Variants in FBXW4 observed in about 807,000 individuals in gnomAD.
The protein encoded by FBXW4 is F-box/WD repeat-containing protein 4.
A neutral mutation model predicts 61.8 loss-of-function variants in FBXW4; 40 were observed. That is an observed-to-expected ratio of 0.65 (90% CI 0.50 to 0.84). The LOEUF is 0.84. Ranked by LOEUF, FBXW4 falls within the 40% of genes least tolerant of loss-of-function variation. The pLI is 0.00. For missense variants in FBXW4, 672 were observed against 753.8 expected (o/e 0.89, Z 1.27); for synonymous variants, 311 against 313.8 (o/e 0.99, Z 0.10).
intron 6 of FBXW4, among the ~76,000 whole-genome samples, chr10:101,616,838 T>C (rs1029199227): frequency 6.6e-6 from 1 of 152,250 alleles, no homozygotes; most frequent in Non-Finnish European, 1.5e-5. Context: ...GTGATTGTCC[T>C]AGTCCAGGCC....
At chr10:101,689,502 C>A (rs574529382) in intron 1 of FBXW4, among the ~76,000 whole-genome samples, 1 of 152,148 alleles carries the variant, frequency 6.6e-6, no homozygotes, top group Non-Finnish European at 1.5e-5. Flanking sequence ...CCTTTCCAAA[C>A]GCCGAAGACA....
chr10:101,674,659 G>A (rs372705732), intron 2 of FBXW4, among the ~76,000 whole-genome samples: 1 of 152,314 alleles, frequency 6.6e-6, no homozygotes, highest in African/African-American at 2.4e-5. Context: ...GTGTGGCAAT[G>A]GAAAAACACA....
At chr10:101,681,080 T>G (rs1037859106) in intron 1 of FBXW4, among the ~76,000 whole-genome samples, 2 of 152,164 alleles carry the variant, frequency 1.3e-5, no homozygotes, top group Non-Finnish European at 2.9e-5. Flanking sequence ...CTACATAAAA[T>G]TATGTCTCCA....
At chr10:101,681,398 A>ATAAT (rs1554934345) in intron 1 of FBXW4, among the ~76,000 whole-genome samples, 8 of 136,066 alleles carry the variant, frequency 5.9e-5, no homozygotes, top group African/African-American at 1.9e-4. Flanking sequence ...CAAAAAAAAA[A>ATAAT]AATAATAATA....
chr10:101,675,438 CCAAAAGG>C (rs941044899), intron 2 of FBXW4, among the ~76,000 whole-genome samples: 7 of 152,140 alleles, frequency 4.6e-5, no homozygotes, highest in African/African-American at 1.7e-4. Context: ...GAAACTAGCC[CCAAAAGG>C]CAAATGTGGG....
At chr10:101,638,901 C>A (rs2064026838) in intron 5 of FBXW4, among the ~76,000 whole-genome samples, 1 of 152,172 alleles carries the variant, frequency 6.6e-6, no homozygotes, top group African/African-American at 2.4e-5. Context: ...TGCTTCATAA[C>A]CACTCTGTTT....
chr10:101,640,119 G>A (rs2064038456), intron 5 of FBXW4, among the ~76,000 whole-genome samples: 1 of 152,186 alleles, frequency 6.6e-6, no homozygotes, highest in Non-Finnish European at 1.5e-5. Context: ...ATACCTGGTA[G>A]GTCTTCTAGG....
At chr10:101,639,871 T>G (rs937434287) in intron 5 of FBXW4, among the ~76,000 whole-genome samples, 3 of 152,248 alleles carry the variant, frequency 2.0e-5, no homozygotes, top group Non-Finnish European at 4.4e-5. Flanking sequence ...GCCTTTGGCT[T>G]GGTTTTTCAC....
chr10:101,678,053 C>T (rs2064433892), intron 1 of FBXW4, among the ~76,000 whole-genome samples: 1 of 152,070 alleles, frequency 6.6e-6, no homozygotes, highest in African/African-American at 2.4e-5. Context: ...GTTCATGGTA[C>T]AATTCATTCA....
intron 5 of FBXW4, among the ~76,000 whole-genome samples, chr10:101,648,487 T>C (rs2064119450): frequency 6.6e-6 from 1 of 152,168 alleles, no homozygotes; most frequent in African/African-American, 2.4e-5. Context: ...GGACTGATTA[T>C]ACTTTGAACA....
intron 6 of FBXW4, among the ~76,000 whole-genome samples, chr10:101,615,228 T>C (rs966532203): frequency 6.6e-6 from 1 of 152,012 alleles, no homozygotes; most frequent in East Asian, 1.9e-4. Flanking sequence ...ACAGCTTGTG[T>C]GGGAACAGGG....
At chr10:101,634,751 T>C (rs2063986844) in intron 5 of FBXW4, among the ~76,000 whole-genome samples, 1 of 148,696 alleles carries the variant, frequency 6.7e-6, no homozygotes, top group Non-Finnish European at 1.5e-5. Flanking sequence ...ATTAAGGAGA[T>C]AAACATTTTT....
Position 101,694,989 on chromosome 10 carries a change from C to T in FBXW4, c.117G>A (p.Gly39=). The T allele has an allele frequency of 1.7e-6, 2 of 1,150,078 alleles. No homozygotes were observed. The highest frequency in any genetic ancestry group is 7.1e-4 in the Middle Eastern group (2 of 2,828). The allele number at this position is 1,150,078 out of a possible 1,614,324, so 71.2% of individuals were successfully genotyped here. ...GRVARGKRRK[G]KGKGKARAGQ... ...CCGCTCTCGCTTTTCCCTTCCCCTT[C>T]CCCTTCCTTCGCTTCCCCCTCGCCA... Residue 39 remains glycine (G), a synonymous_variant, in exon 1 of 9, where the codon GGG becomes GGA. Transcript: ENST00000331272. This position sits in a 1 kb window ranked among gnomAD's most constrained non-coding sequence, Gnocchi z 6.0.
chr10:101,684,929 C>T (rs2064519270), intron 1 of FBXW4, among the ~76,000 whole-genome samples: 1 of 152,186 alleles, frequency 6.6e-6, no homozygotes, highest in South Asian at 2.1e-4. Flanking sequence ...AGACCATGCA[C>T]AAAGAGGGCA....
At chr10:101,685,276 A>G (rs1309095619) in intron 1 of FBXW4, among the ~76,000 whole-genome samples, 3 of 152,208 alleles carry the variant, frequency 2.0e-5, no homozygotes, top group Non-Finnish European at 4.4e-5. Flanking sequence ...ACAGCTATAC[A>G]TCATCTTTTT....
intron 5 of FBXW4, 189 bp from the exon 6 acceptor site, chr10:101,624,999 C>A: frequency 1.5e-6 from 1 of 651,564 alleles, no homozygotes. Context: ...GGGTGTAGCC[C>A]CCAGTGGTGC....
chr10:101,613,623 T>G (rs1215565920), intron 6 of FBXW4, among the ~76,000 whole-genome samples: 1 of 152,228 alleles, frequency 6.6e-6, no homozygotes, highest in Non-Finnish European at 1.5e-5. Flanking sequence ...CATGTCTGAA[T>G]GCAGATGTCA....
intron 2 of FBXW4, 96 bp downstream of exon 2, chr10:101,676,245 G>T (rs1193651135): frequency 2.7e-5 from 23 of 838,360 alleles, no homozygotes; most frequent in Non-Finnish European, 4.0e-5. Flanking sequence ...ACCCACCCAA[G>T]ATAGCCCCAT....
intron 5 of FBXW4, among the ~76,000 whole-genome samples, chr10:101,634,055 G>C (rs916714260): frequency 1.2e-4 from 18 of 152,100 alleles, no homozygotes; most frequent in African/African-American, 4.3e-4. Context: ...GGAGGTTGTA[G>C]TGAGCCAAGA....
Sources: allele counts gnomAD v4.1 joint callset (sites outside exome capture counted in the v4.1 genomes callset), GRCh38; gene constraint gnomAD v4.1.1; non-coding constraint Gnocchi (gnomAD v3.1); transcripts MANE v1.5; gene names NCBI Gene and HGNC (gene_info 2026-07-23, HGNC 2026-07-21).